ADAM33: variants seen among roughly 807,000 people sequenced by gnomAD.
ADAM33 encodes the protein disintegrin and metalloproteinase domain-containing protein 33.
A neutral mutation model predicts 106.2 loss-of-function variants in ADAM33; 103 were observed. The ratio of observed to expected loss-of-function variants is 0.97; its 90% CI spans 0.83 to 1.14. The LOEUF (loss-of-function observed/expected upper bound fraction) is 1.14, where lower values mean the gene tolerates loss of function less well. Among genes scored for constraint, ADAM33 ranks in the 50% most tolerant of loss-of-function variants. The probability of loss-of-function intolerance (pLI) is 0.00; values close to 1 mark genes in which losing one functional copy is unlikely to be tolerated. For synonymous variants in ADAM33, 483 were observed against 453.0 expected, an observed-to-expected ratio of 1.07 and a Z score of -0.84; for missense variants, 1,120 against 1,096.6, an observed-to-expected ratio of 1.02 and a Z score of -0.30.
chr20:3,669,280 A>T lies in ADAM33; in HGVS notation c.2404+19T>A. 1 of 1,569,326 alleles carries T rather than the reference A, an allele frequency of 6.4e-7. No individual in the cohort carries two copies. On this transcript the variant is annotated intron_variant, in intron 21 of 21. Coordinates refer to ENST00000356518, the MANE Select transcript of ADAM33 (RefSeq NM_025220.5). ...TGGGCGATGAGAGGGGGAGGCTTTG[A>T]ATCCAGGTCCCTGCCTACCTTGGGG... is the stretch of plus-strand genomic sequence containing the variant.
chr20:3,681,989 G>T lies in ADAM33; in HGVS notation c.16C>A (p.Arg6=). Residue 6 remains arginine (R), a synonymous_variant, in exon 1 of 22, where the codon CGG becomes AGG. Transcript: ENST00000356518. ...AGCAACGGGGTCCCCCGAGCTCTCC[G>T]GGGCCTCCAGCCCATAGCTGTGAGC... MGWRP[R]RARGTPLLLL... The T allele has an allele frequency of 6.5e-7, 1 of 1,535,546 alleles. No homozygotes were observed. The highest frequency in any genetic ancestry group is 1.2e-5 in the South Asian group (1 of 82,632).
At chr20:3,679,002 T>C (rs1370147303) in intron 2 of ADAM33, among the ~76,000 whole-genome samples, 2 of 152,148 alleles carry the variant, frequency 1.3e-5, no homozygotes, top group Admixed American at 1.3e-4. Flanking sequence ...GCCCCCCCGA[T>C]ACCAGAAGTG....
chr20:3,671,148 C>A lies in ADAM33; in HGVS notation c.2098G>T (p.Asp700Tyr). The A allele has an allele frequency of 1.2e-6, 2 of 1,612,838 alleles. No homozygotes were observed. The highest frequency in any genetic ancestry group is 1.1e-5 in the South Asian group (1 of 90,934). ...DSGPVQAENHDTFLLAMLLSV... is the reference protein window; with the variant it reads ...DSGPVQAENHYTFLLAMLLSV... ...AGGAGCATGGCCAGCAGGAAGGTGT[C>A]ATGGTCTGCGGGGATTGGGGGAAGG... is the stretch of plus-strand genomic sequence containing the variant. Residue 700 changes from aspartate to tyrosine, a missense_variant, in exon 19 of 22, where the codon GAC becomes TAC. Asp to Tyr is a radical substitution (Grantham distance 160). Transcript: ENST00000356518.
In ADAM33 at chr20:3,675,867, T is replaced by C. The variant is rs1349280418; in HGVS notation, c.255-762A>G. ...CAGACCACCCGCTAATGATGGCTGC[T>C]TCCCCCCTCCCAGGCATTCCACCAC... On this transcript the variant is annotated intron_variant, in intron 3 of 21. Transcript: ENST00000356518. This position sits in a 1 kb window ranked among gnomAD's most constrained non-coding sequence, Gnocchi z 4.1. Among the ~76,000 whole-genome samples the C allele has an allele frequency of 1.3e-5, 2 of 152,018 alleles. No homozygotes were observed. The highest frequency in any genetic ancestry group is 3.9e-4 in the East Asian group (2 of 5,180).
Position 3,673,653 on chromosome 20 carries a change from C to T in ADAM33, c.911G>A (p.Arg304His). The T allele has an allele frequency of 3.0e-6, 4 of 1,347,054 alleles. No individual in the cohort carries two copies. Among genetic ancestry groups the T allele is most frequent in the East Asian group, 3.1e-5 (1 of 32,454 alleles). 83.4% of individuals were successfully genotyped at this position (1,347,054 alleles called of 1,614,324 possible). ...PHDSAQLLTG[R>H]AFQGATVGLA... is the part of the protein sequence containing the mutation. ...GCCCACTGTGGCGCCCTGGAAGGCGCGGCCCCTGGGGGCGGAGCGCGGCGT... is the reference window on the plus strand; with the variant it reads ...GCCCACTGTGGCGCCCTGGAAGGCGTGGCCCCTGGGGGCGGAGCGCGGCGT... The change falls in exon 10 of 22, where the codon CGC becomes CAC. Residue 304 changes from arginine (R) to histidine (H), a missense_variant. Physicochemically the swap from Arg to His is conservative, Grantham distance 29. Coordinates refer to ENST00000356518, the MANE Select transcript of ADAM33 (RefSeq NM_025220.5).
chr20:3,672,387 C>T (rs1461517196), intron 13 of ADAM33, 58 bp from the exon 14 acceptor site: 1 of 1,589,422 alleles, frequency 6.3e-7, no homozygotes, highest in African/African-American at 1.3e-5. Context: ...GTGAGAGGTC[C>T]ATGCCGAGAG....
intron 3 of ADAM33, among the ~76,000 whole-genome samples, chr20:3,676,784 A>G (rs1314279778): frequency 2.6e-5 from 4 of 152,080 alleles, no homozygotes; most frequent in African/African-American, 9.7e-5. Flanking sequence ...TAGACTCAGC[A>G]TATCTTGCAA....
rs746427921 is a variant in ADAM33, at chr20:3,674,130, C to A, written c.672G>T (p.Leu224Phe). 1 of 1,614,226 alleles carries A rather than the reference C, an allele frequency of 6.2e-7. No individual in the cohort carries two copies. Among genetic ancestry groups the A allele is most frequent in the Admixed American group, 1.7e-5 (1 of 60,032 alleles). ...TGTGGTTCAAGTTTCGGTGCCGAGT[C>A]AAGAACTGGGAAGGCAGAAATCCCG... ...LYIVADHTLF[L>F]TRHRNLNHTK... is the part of the protein sequence containing the mutation. Residue 224 changes from leucine (L) to phenylalanine (F), a missense_variant, in exon 8 of 22, where the codon TTG becomes TTT. By Grantham distance (22) the Leu-to-Phe change is conservative. Coordinates refer to ENST00000356518, the MANE Select transcript of ADAM33 (RefSeq NM_025220.5).
rs1390631358 is a variant in ADAM33, at chr20:3,671,578, C to T, written c.1905+3G>A. 2 of 1,599,376 alleles carry T rather than the reference C, an allele frequency of 1.3e-6. No homozygotes were observed. The highest frequency in any genetic ancestry group is 1.7e-6 in the Non-Finnish European group (2 of 1,172,996). On this transcript the variant is annotated splice_donor_region_variant and intron_variant, in intron 16 of 21. Transcript: ENST00000356518. ...AAGGAGGGGTCGGGTGGGCAGAGCT[C>T]ACCATTCTAGGTCCACACTGGGTGC...
At position 3,672,876 on chromosome 20, in the gene ADAM33, T is replaced by C; in HGVS notation, c.1156A>G (p.Ser386Gly). 1 of 1,575,886 alleles carries C rather than the reference T, an allele frequency of 6.3e-7. No individual in the cohort carries two copies. The highest frequency in any genetic ancestry group is 8.5e-7 in the Non-Finnish European group (1 of 1,170,016). Residue 386 changes from serine (S) to glycine (G), a missense_variant, in exon 12 of 22, where the codon AGC (serine) becomes GGC (glycine). By Grantham distance (56) the Ser-to-Gly change is moderately conservative (BLOSUM62 0). Coordinates refer to ENST00000356518, the MANE Select transcript of ADAM33 (RefSeq NM_025220.5). ...CGCAGCTGGCGGCGGCTGCAGGCGC[T>C]GAACACGCGCGGAAACGGGTGCCTA... The part of the protein sequence containing the change: ...ATGHPFPRVF[S>G]ACSRRQLRAF...
intron 7 of ADAM33, 32 bp downstream of exon 7, chr20:3,674,187 T>C: frequency 1.2e-6 from 2 of 1,614,132 alleles, no homozygotes; most frequent in Non-Finnish European, 1.7e-6. Flanking sequence ...GCCCCATCCC[T>C]GACCCCGCCA....
Position 3,671,051 on chromosome 20 carries a change from A to G in ADAM33, c.2195T>C (p.Leu732Pro), listed in dbSNP as rs892376435. The G allele has an allele frequency of 1.9e-6, 3 of 1,564,542 alleles. No homozygotes were observed. Among genetic ancestry groups the G allele is most frequent in the African/African-American group, 2.7e-5 (2 of 73,808 alleles). Residue 732 changes from leucine to proline, a missense_variant, in exon 19 of 22, where the codon CTG (leucine) becomes CCG (proline). Physicochemically the swap from Leu to Pro is moderately conservative, Grantham distance 98 (BLOSUM62 -3). Coordinates refer to ENST00000356518, the MANE Select transcript of ADAM33 (RefSeq NM_025220.5). ...WCCYRLPGAH[L>P]QRCSWGCRRD... ...TCTGCAGCCCCAGCTGCATCGCTGC[A>G]GATGGGCTCCTGGGAGTCGGTAGCA...
intron 18 of ADAM33, 40 bp from the exon 19 acceptor site, chr20:3,671,193 G>C: frequency 1.2e-6 from 2 of 1,612,754 alleles, no homozygotes; most frequent in Non-Finnish European, 1.7e-6. Flanking sequence ...TCCTGAGCAG[G>C]TGCACCACCC....
At chr20:3,674,990 C>A (rs1223258174) in intron 4 of ADAM33, 37 bp downstream of exon 4, 7 of 1,612,904 alleles carry the variant, frequency 4.3e-6, no homozygotes, top group Non-Finnish European at 5.9e-6. Flanking sequence ...GGGGGTACCT[C>A]TGGCGGTGCA....
In ADAM33 at chr20:3,681,891, C is replaced by A. The variant is rs759829125; in HGVS notation, c.97+17G>T. On this transcript the variant is annotated intron_variant, in intron 1 of 21. Transcript: ENST00000356518. ...GCCTAGCCTGCCCCTCAGGGCGCAC[C>A]CCGCCCGCGTCCTCACCTTGAAGCA... 2 of 1,595,472 alleles carry A rather than the reference C, an allele frequency of 1.3e-6. No individual in the cohort carries two copies. The highest frequency in any genetic ancestry group is 1.7e-6 in the Non-Finnish European group (2 of 1,172,174).
In ADAM33 at chr20:3,668,513, T is replaced by A. The variant is rs1218493090; in HGVS notation, c.*450A>T. 1.0e-5 allele frequency: 2 copies of A among 198,592 alleles called. No individual in the cohort carries two copies. Among genetic ancestry groups the A allele is most frequent in the Non-Finnish European group, 2.1e-5 (2 of 96,556 alleles). The allele number at this position is 198,592 out of a possible 1,614,324, so 12.3% of individuals were successfully genotyped here. ...GTTTGTTTGCAGAGGCCAGCCAGGC[T>A]CCAGGGGAGTGTGGACTCAGTCGAA... On this transcript the variant is annotated 3_prime_UTR_variant, in exon 22 of 22. Transcript: ENST00000356518.
intron 19 of ADAM33, 59 bp from the exon 20 acceptor site, chr20:3,669,696 C>G: frequency 6.9e-7 from 1 of 1,449,520 alleles, no homozygotes; most frequent in Non-Finnish European, 9.5e-7. Flanking sequence ...GGGTTATTGC[C>G]TCCCCGCAGC....
In ADAM33 at chr20:3,674,102, T is replaced by G. The variant is rs756029081; in HGVS notation, c.700A>C (p.Lys234Gln). The G allele has an allele frequency of 6.2e-6, 10 of 1,614,062 alleles. No individual in the cohort carries two copies. The East Asian group carries it at 2.2e-4, about 36-fold the overall frequency. Residue 234 changes from lysine (K) to glutamine (Q), a missense_variant, in exon 8 of 22, where the codon AAA becomes CAA. By Grantham distance (53) the Lys-to-Gln change is moderately conservative (BLOSUM62 1). Transcript: ENST00000356518. Reference protein sequence around the residue: ...LTRHRNLNHTKQRLLEVANYV... With the variant: ...LTRHRNLNHTQQRLLEVANYV... Reference sequence around the variant, plus strand: ...TTGGCGACTTCCAGGAGACGCTGTTTGGTGTGGTTCAAGTTTCGGTGCCGA... The same window carrying G: ...TTGGCGACTTCCAGGAGACGCTGTTGGGTGTGGTTCAAGTTTCGGTGCCGA...
chr20:3,674,615 G>T lies in ADAM33; in HGVS notation c.489C>A (p.Thr163=). 6.2e-7 allele frequency: 1 copy of T among 1,612,848 alleles called. No individual in the cohort carries two copies. The highest frequency in any genetic ancestry group is 8.5e-7 in the Non-Finnish European group (1 of 1,179,684). The change falls in exon 6 of 22, where the codon ACC becomes ACA. Residue 163 remains threonine, a synonymous_variant. Transcript: ENST00000356518. ...WPPRGSKDFS[T]HEIFRMEQLL... ...GCTGCTCCATCCGAAAGATCTCGTGGGTTGAGAAGTCCTTGGAGCCCCGGG... is the reference window on the plus strand; with the variant it reads ...GCTGCTCCATCCGAAAGATCTCGTGTGTTGAGAAGTCCTTGGAGCCCCGGG...
Sources: gnomAD v4.1 joint callset for allele counts (sites outside exome capture counted in the v4.1 genomes callset) on GRCh38, gnomAD v4.1.1 for gene constraint, Gnocchi (gnomAD v3.1) non-coding constraint, MANE v1.5 for transcripts, NCBI Gene and HGNC (gene_info 2026-07-23, HGNC 2026-07-21) for gene names.